Variants in DOCK3 observed in about 807,000 individuals in gnomAD.
The protein encoded by DOCK3 is dedicator of cytokinesis protein 3.
A neutral mutation model predicts 265.6 loss-of-function variants in DOCK3; 60 were observed. The observed-to-expected ratio is 0.23, with a 90% confidence interval of 0.18 to 0.28. The LOEUF (loss-of-function observed/expected upper bound fraction) is 0.28, where lower values mean the gene tolerates loss of function less well. DOCK3 is among the 10% of genes least tolerant of loss of function. The pLI is 1.00. For missense variants in DOCK3, 1,981 were observed against 2,594.3 expected (o/e 0.76, Z 5.14); for synonymous variants, 881 against 938.0 (o/e 0.94, Z 1.11).
chr3:50,890,129 A>T (rs745531568), intron 4 of DOCK3, 48 bp downstream of exon 4: 14 of 1,358,326 alleles, frequency 1.0e-5, no homozygotes, highest in Non-Finnish European at 1.3e-5. Context: ...TATAGGCTAC[A>T]GAGGAAGATT....
intron 1 of DOCK3, among the ~76,000 whole-genome samples, chr3:50,724,671 C>T (rs1465335674): frequency 1.3e-5 from 2 of 151,436 alleles, no homozygotes; most frequent in African/African-American, 4.9e-5. Context: ...GAACATCACA[C>T]ACCGGGGCCT....
intron 2 of DOCK3, among the ~76,000 whole-genome samples, chr3:50,818,926 C>T (rs1047383771): frequency 8.5e-5 from 13 of 152,178 alleles, no homozygotes; most frequent in African/African-American, 3.1e-4. Flanking sequence ...CATTACATCA[C>T]CTCTAAGCCA....
intron 2 of DOCK3, among the ~76,000 whole-genome samples, chr3:50,806,312 G>A (rs1373848032): frequency 6.6e-6 from 1 of 152,024 alleles, no homozygotes; most frequent in Non-Finnish European, 1.5e-5. Context: ...ACATCCAAGA[G>A]TTGAGCTCTT....
chr3:50,806,577 G>A lies in DOCK3; in HGVS notation c.121+27819G>A, dbSNP rs564604993. On this transcript the variant is annotated intron_variant, in intron 2 of 52. Transcript: ENST00000266037. ...GGGCATGTTCACCCTGGGTGGGAAT[G>A]GAAGACTGTTCTTCTGGCTGAAAGT... 3.3e-5 allele frequency among the ~76,000 whole-genome samples: 5 copies of A among 151,786 alleles called. No homozygotes were observed. The South Asian group carries it at 1.0e-3, about 32-fold the overall frequency.
At chr3:51,095,528 AC>A (rs1485430390) in intron 9 of DOCK3, among the ~76,000 whole-genome samples, 1 of 152,146 alleles carries the variant, frequency 6.6e-6, no homozygotes, top group African/African-American at 2.4e-5. Context: ...GGAACTGACA[AC>A]ACCAGAATCC....
At position 51,371,464 on chromosome 3, in the gene DOCK3, C is replaced by T. The variant is rs375507141; in HGVS notation, c.5294-3005C>T. Among the ~76,000 whole-genome samples the T allele has an allele frequency of 4.6e-5, 7 of 152,296 alleles. No individual in the cohort carries two copies. In the South Asian group the frequency reaches 1.5e-3, roughly 32 times the overall value. On this transcript the variant is annotated intron_variant, in intron 49 of 52. Transcript: ENST00000266037. ...GTGCAGGTCCTACATCTATCAAGCA[C>T]AGTGTTAGGCCCTGGGAGACAAAAT...
At chr3:50,861,860 T>G (rs535963651) in intron 3 of DOCK3, among the ~76,000 whole-genome samples, 41 of 151,856 alleles carry the variant, frequency 2.7e-4, no homozygotes, top group Middle Eastern at 6.8e-3. Context: ...GGTCGTTTTT[T>G]TTTTTTTTTT....
chr3:51,254,937 T>C (rs1302274844), intron 22 of DOCK3, among the ~76,000 whole-genome samples: 1 of 152,248 alleles, frequency 6.6e-6, no homozygotes. Context: ...TTTTGCTCGT[T>C]AATTGATGCA....
intron 5 of DOCK3, among the ~76,000 whole-genome samples, chr3:51,016,745 A>G (rs2079313383): frequency 1.4e-5 from 1 of 72,792 alleles, no homozygotes; most frequent in Non-Finnish European, 2.2e-5. Flanking sequence ...TATTATATAT[A>G]TCAATATAAT....
chr3:50,702,133 T>C (rs2036081145), intron 1 of DOCK3, among the ~76,000 whole-genome samples: 2 of 152,322 alleles, frequency 1.3e-5, no homozygotes, highest in South Asian at 4.1e-4. Flanking sequence ...GAGGATTGCA[T>C]TGAATCTGTA....
intron 2 of DOCK3, among the ~76,000 whole-genome samples, chr3:50,791,128 A>G (rs552951738): frequency 7.9e-5 from 12 of 151,954 alleles, no homozygotes; most frequent in South Asian, 6.3e-4. Context: ...CCATTTGTCA[A>G]TGTTTGCCTT....
At chr3:51,336,566 C>T (rs1346471271) in intron 35 of DOCK3, among the ~76,000 whole-genome samples, 1 of 152,204 alleles carries the variant, frequency 6.6e-6, no homozygotes, top group Non-Finnish European at 1.5e-5. Context: ...GGAGTCTTCC[C>T]TGCTCACCCT....
At position 51,026,192 on chromosome 3, in the gene DOCK3, T is replaced by C. The variant is rs537954274; in HGVS notation, c.316-38256T>C. Among the ~76,000 whole-genome samples the C allele has an allele frequency of 2.0e-5, 3 of 152,238 alleles. No individual in the cohort carries two copies. In the South Asian group the frequency reaches 6.2e-4, roughly 32 times the overall value. ...TGAGGGTTTGTATTATGAAGTGACG[T>C]TGGATTTTATTGAATGGTTTTTCTG... is the stretch of plus-strand genomic sequence containing the variant. On this transcript the variant is annotated intron_variant, in intron 5 of 52. Transcript: ENST00000266037.
At chr3:50,989,587 AG>A (rs1221074783) in intron 5 of DOCK3, among the ~76,000 whole-genome samples, 2 of 152,248 alleles carry the variant, frequency 1.3e-5, no homozygotes, top group African/African-American at 4.8e-5. Context: ...AGAAGAAGTC[AG>A]CTTCAAATAA....
chr3:50,698,195 C>T (rs999699937), intron 1 of DOCK3, among the ~76,000 whole-genome samples: 4 of 152,038 alleles, frequency 2.6e-5, no homozygotes, highest in Non-Finnish European at 5.9e-5. Context: ...CTCTCCCCCA[C>T]CCGGGCACCC....
chr3:50,789,676 T>C (rs2042363076), intron 2 of DOCK3, among the ~76,000 whole-genome samples: 1 of 152,216 alleles, frequency 6.6e-6, no homozygotes, highest in Non-Finnish European at 1.5e-5. Context: ...GGTGCATATA[T>C]ATCTAGGATT....
At chr3:50,911,923 A>T (rs1049355427) in intron 4 of DOCK3, among the ~76,000 whole-genome samples, 3 of 151,638 alleles carry the variant, frequency 2.0e-5, no homozygotes, top group South Asian at 2.1e-4. Flanking sequence ...TCTTATTATT[A>T]TTTTTTATAG....
At chr3:50,888,899 T>A (rs981186668) in intron 3 of DOCK3, among the ~76,000 whole-genome samples, 11 of 151,988 alleles carry the variant, frequency 7.2e-5, no homozygotes, top group Non-Finnish European at 1.5e-4. Flanking sequence ...ATCCTTTTTT[T>A]AAGTCTCTAT....
chr3:51,225,841 C>T, intron 15 of DOCK3, 68 bp downstream of exon 15: 1 of 1,536,480 alleles, frequency 6.5e-7, no homozygotes, highest in Non-Finnish European at 8.8e-7. Context: ...GGACTTTATC[C>T]AGAGGCCCAT....
Sources: gnomAD v4.1 joint callset for allele counts (sites outside exome capture counted in the v4.1 genomes callset) on GRCh38, gnomAD v4.1.1 for gene constraint, MANE v1.5 for transcripts, NCBI Gene and HGNC (gene_info 2026-07-23, HGNC 2026-07-21) for gene names.